The following TCF3 variants were observed in gnomAD, a reference collection of about 807,000 sequenced individuals.
TCF3 encodes transcription factor E2-alpha.
A neutral mutation model predicts 72.3 loss-of-function variants in TCF3; 54 were observed. The ratio of observed to expected loss-of-function variants is 0.75; its 90% CI spans 0.60 to 0.94. TCF3 has a LOEUF of 0.94. Among genes scored for constraint, TCF3 ranks in the 40% least tolerant of loss-of-function variants. The probability of loss-of-function intolerance (pLI) is 0.00; values close to 1 mark genes in which losing one functional copy is unlikely to be tolerated. For synonymous variants in TCF3, 525 were observed against 412.6 expected (o/e 1.27, Z -3.30); for missense variants, 1,078 against 934.4 (o/e 1.15, Z -2.00).
At chr19:1,642,016 G>C (rs2065312583) in intron 3 of TCF3, among the ~76,000 whole-genome samples, 2 of 151,830 alleles carry the variant, frequency 1.3e-5, no homozygotes, top group Admixed American at 6.6e-5. Context: ...CTGCACTCCA[G>C]TCTGGACAAC....
chr19:1,634,440 G>A (rs1276161736), intron 3 of TCF3, among the ~76,000 whole-genome samples: 1 of 152,210 alleles, frequency 6.6e-6, no homozygotes, highest in South Asian at 2.1e-4. Flanking sequence ...AGTGGACGGC[G>A]CAGGGGCGCT....
At chr19:1,629,450 C>T (rs1227771046) in intron 5 of TCF3, among the ~76,000 whole-genome samples, 2 of 152,112 alleles carry the variant, frequency 1.3e-5, no homozygotes, top group Non-Finnish European at 2.9e-5. Context: ...CAGGTGAGGC[C>T]TCGGGGCTAC....
chr19:1,644,777 G>A (rs193274400), intron 3 of TCF3, among the ~76,000 whole-genome samples: 11 of 152,216 alleles, frequency 7.2e-5, no homozygotes, highest in African/African-American at 2.6e-4. Flanking sequence ...GGTGAGAGGC[G>A]ACAGGGGACG....
rs942392681 is a variant in TCF3 at position 1,652,553 on chromosome 19, C to A, written c.-293G>T. The A allele has an allele frequency of 2.7e-5, 4 of 145,908 alleles. No individual in the cohort carries two copies. The highest frequency in any genetic ancestry group is 7.4e-5 in the African/African-American group (3 of 40,624). The allele number at this position is 145,908 out of a possible 1,614,324, so 9.0% of individuals were successfully genotyped here. On this transcript the variant is annotated 5_prime_UTR_variant, in exon 1 of 19. Transcript: ENST00000262965. ...CGCGGTGCCCGCCGCCGCGTCGGCT[C>A]CGGCCCGCTACGCCCGCAGCCGCCG...
chr19:1,640,302 G>A (rs1002732960), intron 3 of TCF3, among the ~76,000 whole-genome samples: 33 of 152,276 alleles, frequency 2.2e-4, no homozygotes, highest in African/African-American at 7.5e-4. Context: ...TTGGGAGGCC[G>A]AGGCGGGAGG....
chr19:1,621,091 T>G (rs758655630), intron 12 of TCF3, 42 bp downstream of exon 12: 1 of 1,520,904 alleles, frequency 6.6e-7, no homozygotes, highest in Non-Finnish European at 8.9e-7. Context: ...GGCCGGCCTC[T>G]CAGGTCACTT....
chr19:1,650,432 A>G, intron 1 of TCF3, 145 bp from the exon 2 acceptor site: 1 of 609,208 alleles, frequency 1.6e-6, no homozygotes, highest in Admixed American at 3.0e-5. Flanking sequence ...CCCTGGGGGC[A>G]CGGGGAGCCC....
chr19:1,614,080 C>T lies in TCF3; in HGVS notation c.1822+1205G>A, dbSNP rs992948940. Among the ~76,000 whole-genome samples the T allele has an allele frequency of 1.6e-4, 24 of 152,238 alleles. No individual in the cohort carries two copies. The highest frequency in any genetic ancestry group is 4.3e-4 in the African/African-American group (18 of 41,460). On this transcript the variant is annotated intron_variant, in intron 18 of 18. Coordinates refer to ENST00000262965, the MANE Select transcript of TCF3 (RefSeq NM_003200.5). This position sits in a 1 kb window ranked among gnomAD's most constrained non-coding sequence, Gnocchi z 5.6. The stretch of plus-strand genomic sequence containing the variant: ...GCTTCCTACTTGGTAGAATGGATGC[C>T]GGTCCCCATCAGGGCACCCACTGCT...
Position 1,615,804 on chromosome 19 carries a change from C to T in TCF3, c.1468G>A (p.Ala490Thr), listed in dbSNP as rs1419076452. 4 of 1,569,890 alleles carry T rather than the reference C, an allele frequency of 2.5e-6. No individual in the cohort carries two copies. The African/African-American group carries it at 4.0e-5, about 16-fold the overall frequency. Reference protein sequence around the residue: ...DSYSGLGRAGATAAASEIKRE... With the variant: ...DSYSGLGRAGTTAAASEIKRE... ...TTGATCTCGCTGGCGGCCGCCGTGGCACCTGCTCGCCCTAGCCCTGCAACA... is the reference window on the plus strand; with the variant it reads ...TTGATCTCGCTGGCGGCCGCCGTGGTACCTGCTCGCCCTAGCCCTGCAACA... Residue 490 changes from alanine (A) to threonine (T), a missense_variant, in exon 17 of 19, where the codon GCC becomes ACC. Transcript: ENST00000262965. The surrounding 1 kb of genome is among the most constrained non-coding windows in gnomAD (Gnocchi z 7.3).
Position 1,632,329 on chromosome 19 carries a change from T to G in TCF3, c.219+3A>C. On this transcript the variant is annotated splice_donor_region_variant and intron_variant, in intron 4 of 18. Coordinates refer to ENST00000262965, the MANE Select transcript of TCF3 (RefSeq NM_003200.5). ...GGGTCTCAGGCCTCACGGGGACTCCTACCCGGCTGGGGTCAAAGGAGGAGC... is the reference window on the plus strand; with the variant it reads ...GGGTCTCAGGCCTCACGGGGACTCCGACCCGGCTGGGGTCAAAGGAGGAGC... The G allele has an allele frequency of 1.3e-6, 2 of 1,582,358 alleles. No homozygotes were observed. Among genetic ancestry groups the G allele is most frequent in the Non-Finnish European group, 1.7e-6 (2 of 1,164,128 alleles).
At chr19:1,630,611 C>T (rs1271028760) in intron 5 of TCF3, among the ~76,000 whole-genome samples, 1 of 152,210 alleles carries the variant, frequency 6.6e-6, no homozygotes, top group Non-Finnish European at 1.5e-5. Flanking sequence ...TTCTAAGCAG[C>T]GCACACCCCC....
At position 1,650,694 on chromosome 19, in the gene TCF3, G is replaced by A. The variant is rs140686736; in HGVS notation, c.-39-407C>T. On this transcript the variant is annotated intron_variant, in intron 1 of 18. Transcript: ENST00000262965. ...TCTGAGGCCCCCTACCCCCGGGAAA[G>A]GGAGGAACAGCCCGATCCTACCCCG... 336 of 236,792 alleles carry A rather than the reference G, an allele frequency of 1.4e-3. 4 individuals are homozygous for A. The highest frequency in any genetic ancestry group is 6.8e-3 in the African/African-American group (308 of 45,474). The allele number at this position is 236,792 out of a possible 1,614,324, so 14.7% of individuals were successfully genotyped here. A position where few individuals can be genotyped will look rare whatever the true frequency, so the allele number is the denominator to read the frequency against.
At chr19:1,652,233 G>C (rs1196199163) in intron 1 of TCF3, 67 bp downstream of exon 1, 1 of 147,964 alleles carries the variant, frequency 6.8e-6, no homozygotes, top group Non-Finnish European at 1.5e-5. Flanking sequence ...GCGCGGGGCG[G>C]GCCGGGGTTC....
At chr19:1,639,852 A>C (rs948259130) in intron 3 of TCF3, among the ~76,000 whole-genome samples, 2 of 152,068 alleles carry the variant, frequency 1.3e-5, no homozygotes, top group Non-Finnish European at 2.9e-5. Flanking sequence ...GGAACCCTCA[A>C]CACCACACTG....
intron 3 of TCF3, among the ~76,000 whole-genome samples, chr19:1,632,762 G>A (rs1386339359): frequency 6.6e-6 from 1 of 152,158 alleles, no homozygotes; most frequent in South Asian, 2.1e-4. Flanking sequence ...CTCTGGCCCA[G>A]CCCTGACTAT....
intron 3 of TCF3, among the ~76,000 whole-genome samples, chr19:1,640,457 A>G (rs114679490): frequency 7.7e-4 from 118 of 152,286 alleles, no homozygotes; most frequent in African/African-American, 2.7e-3. Context: ...AATTACACCT[A>G]TTTCGCTAAC....
intron 1 of TCF3, among the ~76,000 whole-genome samples, chr19:1,651,689 AC>A (rs1388068363): frequency 2.0e-5 from 3 of 148,052 alleles, no homozygotes; most frequent in African/African-American, 5.0e-5. Flanking sequence ...GGGAAGCCGG[AC>A]CCCCCTCCCC....
At chr19:1,646,503 C>A (rs1168944346) in intron 2 of TCF3, 76 bp from the exon 3 acceptor site, 16 of 1,392,216 alleles carry the variant, frequency 1.1e-5, no homozygotes, top group Non-Finnish European at 1.6e-5. Context: ...CAAACCCAAG[C>A]TGGGAGCAGA....
intron 3 of TCF3, among the ~76,000 whole-genome samples, chr19:1,642,886 G>A (rs572419562): frequency 9.4e-4 from 143 of 152,328 alleles, no homozygotes; most frequent in African/African-American, 3.4e-3. Flanking sequence ...TCCTCTTAAA[G>A]CAGAACGCGG....
Sources: allele counts gnomAD v4.1 joint callset (sites outside exome capture counted in the v4.1 genomes callset), GRCh38; gene constraint gnomAD v4.1.1; non-coding constraint Gnocchi (gnomAD v3.1); transcripts MANE v1.5; gene names NCBI Gene and HGNC (gene_info 2026-07-23, HGNC 2026-07-21).